Variants in ENTPD3 observed in about 807,000 individuals in gnomAD.
ENTPD3 encodes ectonucleoside triphosphate diphosphohydrolase 3, also known as CD39 antigen-like 3.
Under a neutral mutation model 51.2 loss-of-function variants are expected in ENTPD3, and 60 were observed. The observed-to-expected ratio is 1.17, with a 90% CI of 0.95 to 1.45. The LOEUF is 1.45. Ranked by LOEUF, ENTPD3 falls within the 40% of genes most tolerant of loss-of-function variation. The pLI is 0.00. For synonymous variants in ENTPD3, 221 were observed against 238.4 expected (o/e 0.93, Z 0.67); for missense variants, 593 against 641.1 (o/e 0.93, Z 0.81).
At chr3:40,396,515 A>G (rs145119773) in intron 3 of ENTPD3, among the ~76,000 whole-genome samples, 21 of 152,276 alleles carry the variant, frequency 1.4e-4, no homozygotes, top group African/African-American at 5.1e-4. Context: ...TGGCTATTAA[A>G]TCTAACCTTG....
chr3:40,410,183 G>A (rs1393557683), intron 4 of ENTPD3, among the ~76,000 whole-genome samples: 1 of 152,172 alleles, frequency 6.6e-6, no homozygotes, highest in Non-Finnish European at 1.5e-5. Flanking sequence ...TCTCACACCT[G>A]TAATCCCAGC....
At chr3:40,394,974 C>T (rs1955162367) in intron 3 of ENTPD3, among the ~76,000 whole-genome samples, 1 of 152,112 alleles carries the variant, frequency 6.6e-6, no homozygotes, top group South Asian at 2.1e-4. Flanking sequence ...ACTGTGGTGC[C>T]CAAGACTTCA....
intron 3 of ENTPD3, among the ~76,000 whole-genome samples, chr3:40,397,452 T>C (rs1273261862): frequency 6.6e-6 from 1 of 152,138 alleles, no homozygotes; most frequent in African/African-American, 2.4e-5. Context: ...ATCTTGGGCA[T>C]TTACTTACTA....
intron 7 of ENTPD3, 142 bp downstream of exon 7, chr3:40,416,215 G>T: frequency 1.6e-6 from 1 of 629,170 alleles, no homozygotes; most frequent in East Asian, 2.8e-5. Flanking sequence ...ATTTACTCCT[G>T]GGGGTCCAAG....
intron 4 of ENTPD3, among the ~76,000 whole-genome samples, chr3:40,401,528 G>C (rs1955356521): frequency 6.6e-6 from 1 of 152,346 alleles, no homozygotes; most frequent in South Asian, 2.1e-4. Flanking sequence ...CCTGCCTTTT[G>C]CTGTGGAGGG....
chr3:40,397,513 T>G (rs1477040321), intron 3 of ENTPD3, among the ~76,000 whole-genome samples: 13 of 152,130 alleles, frequency 8.5e-5, no homozygotes, highest in African/African-American at 3.1e-4. Context: ...TGATATGATA[T>G]GATATGATAA....
rs1955078323 is a variant in ENTPD3 at position 40,392,323 on chromosome 3, G to A, written c.168+173G>A. 4.3e-6 allele frequency: 3 copies of A among 701,846 alleles called. No individual in the cohort carries two copies. In the East Asian group the frequency reaches 8.4e-5, roughly 20 times the overall value. The allele number at this position is 701,846 out of a possible 1,614,324, so 43.5% of individuals were successfully genotyped here. A position where few individuals can be genotyped will look rare whatever the true frequency, so the allele number is the denominator to read the frequency against. On this transcript the variant is annotated intron_variant, in intron 3 of 10. Coordinates refer to ENST00000301825, the MANE Select transcript of ENTPD3 (RefSeq NM_001248.4). ...GAGAAGGTCTGGACATGCTGGGTTT[G>A]TGATATTTGAGGCTACAAATTGAGG...
chr3:40,401,162 C>T, intron 4 of ENTPD3, 151 bp downstream of exon 4: 2 of 673,594 alleles, frequency 3.0e-6, no homozygotes, highest in South Asian at 1.8e-5. Context: ...TGTGCTAGTG[C>T]TGCTACTCAT....
intron 7 of ENTPD3, among the ~76,000 whole-genome samples, chr3:40,419,884 T>G (rs1249724438): frequency 6.6e-6 from 1 of 152,222 alleles, no homozygotes; most frequent in Admixed American, 6.5e-5. Flanking sequence ...GACTGACTTT[T>G]TCATGACAGT....
intron 10 of ENTPD3, among the ~76,000 whole-genome samples, chr3:40,424,564 T>C (rs1265327860): frequency 2.0e-5 from 3 of 151,980 alleles, no homozygotes; most frequent in African/African-American, 4.8e-5. Context: ...TTTAAAAATA[T>C]GTATATTTAT....
chr3:40,410,731 A>C (rs1282025018), intron 4 of ENTPD3, among the ~76,000 whole-genome samples: 1 of 152,164 alleles, frequency 6.6e-6, no homozygotes, highest in African/African-American at 2.4e-5. Flanking sequence ...GAAATTCTTC[A>C]GGACGAAGAA....
At chr3:40,415,760 C>T (rs1163508114) in intron 6 of ENTPD3, 80 bp from the exon 7 acceptor site, 7 of 1,088,736 alleles carry the variant, frequency 6.4e-6, no homozygotes, top group Admixed American at 3.9e-5. Context: ...TAATAGGAGA[C>T]GAGGCTTGGG....
chr3:40,423,135 CCTT>C lies in ENTPD3; in HGVS notation c.1104+16_1104+18del. 4 of 1,601,690 alleles carry C rather than the reference CCTT, an allele frequency of 2.5e-6. No homozygotes were observed. The highest frequency in any genetic ancestry group is 3.4e-6 in the Non-Finnish European group (4 of 1,173,154). ...AGGGCCATTTGTGGTAAGAGCAAAA[CCTT>C]CTGAAAGATTCCTTTCCCCATTGAA... On this transcript the variant is annotated intron_variant, in intron 8 of 10. Transcript: ENST00000301825.
intron 4 of ENTPD3, among the ~76,000 whole-genome samples, chr3:40,410,682 T>C (rs909723091): frequency 1.2e-4 from 18 of 152,118 alleles, no homozygotes; most frequent in African/African-American, 1.9e-4. Flanking sequence ...AAGATGTTAA[T>C]TGAACTATGA....
Position 40,411,886 on chromosome 3 carries a change from A to G in ENTPD3, c.361A>G (p.Lys121Glu). Residue 121 changes from lysine to glutamate, a missense_variant, in exon 5 of 11, where the codon AAG becomes GAG. Physicochemically the swap from Lys to Glu is moderately conservative, Grantham distance 56 (BLOSUM62 1). Coordinates refer to ENST00000301825, the MANE Select transcript of ENTPD3 (RefSeq NM_001248.4). ...CTTTGAGGAGTGTATGCAAAAAGTC[A>G]AGGGGCAGGTTCCATCCCACCTCCA... is the stretch of plus-strand genomic sequence containing the variant. ...RAFEECMQKV[K>E]GQVPSHLHGS... The G allele has an allele frequency of 6.2e-7, 1 of 1,612,790 alleles. No homozygotes were observed. Among genetic ancestry groups the G allele is most frequent in the Non-Finnish European group, 8.5e-7 (1 of 1,179,488 alleles).
At position 40,427,425 on chromosome 3, in the gene ENTPD3, G is replaced by A. The variant is rs765215601; in HGVS notation, c.1507G>A (p.Ala503Thr). The change falls in exon 11 of 11, where the codon GCA (alanine) becomes ACA (threonine). Residue 503 changes from alanine to threonine, a missense_variant. Coordinates refer to ENST00000301825, the MANE Select transcript of ENTPD3 (RefSeq NM_001248.4). ...FFTAAALLCL[A>T]FLAYLCSATR... ...CACAGCGGCAGCCTTGCTGTGTCTG[G>A]CATTTCTTGCATACCTGTGTTCAGC... is the stretch of plus-strand genomic sequence containing the variant. 1.3e-5 allele frequency: 21 copies of A among 1,613,474 alleles called. No homozygotes were observed. The highest frequency in any genetic ancestry group is 1.7e-5 in the Non-Finnish European group (20 of 1,180,032).
At chr3:40,393,170 G>A (rs895318206) in intron 3 of ENTPD3, among the ~76,000 whole-genome samples, 5 of 152,114 alleles carry the variant, frequency 3.3e-5, no homozygotes, top group Admixed American at 1.3e-4. Context: ...AGGGAAAGAT[G>A]AAGCAAGTTG....
At chr3:40,420,413 T>A (rs1955842344) in intron 7 of ENTPD3, among the ~76,000 whole-genome samples, 1 of 151,122 alleles carries the variant, frequency 6.6e-6, no homozygotes, top group Non-Finnish European at 1.5e-5. Flanking sequence ...TTTTTTCTAT[T>A]TTTTTTTAGT....
chr3:40,387,838 C>A (rs919480699), intron 1 of ENTPD3, among the ~76,000 whole-genome samples: 1 of 152,164 alleles, frequency 6.6e-6, no homozygotes, highest in Non-Finnish European at 1.5e-5. Context: ...ATCCATTTTT[C>A]ATTTCCTTTC....
Sources: allele counts gnomAD v4.1 joint callset (sites outside exome capture counted in the v4.1 genomes callset), GRCh38; gene constraint gnomAD v4.1.1; transcripts MANE v1.5; gene names NCBI Gene and HGNC (gene_info 2026-07-23, HGNC 2026-07-21).